Variants in SCLT1 observed in about 807,000 individuals in gnomAD.
SCLT1 encodes sodium channel-associated protein 1.
SCLT1 carries 78 observed loss-of-function variants against 112.8 expected under a neutral mutation model. The observed-to-expected ratio is 0.69, with a 90% CI of 0.58 to 0.83. The LOEUF is 0.83. Among genes scored for constraint, SCLT1 ranks in the 40% least tolerant of loss-of-function variants. The pLI is 0.00. For missense variants in SCLT1, 747 were observed against 770.4 expected (o/e 0.97, Z 0.36); for synonymous variants, 257 against 254.7 (o/e 1.01, Z -0.09).
chr4:129,030,576 A>T (rs1746618075), intron 5 of SCLT1, among the ~76,000 whole-genome samples: 1 of 152,142 alleles, frequency 6.6e-6, no homozygotes, highest in African/African-American at 2.4e-5. Flanking sequence ...TCAACTAATA[A>T]AGAAGAAAAG....
chr4:128,923,114 G>A (rs1029952081), intron 18 of SCLT1, among the ~76,000 whole-genome samples: 5 of 152,092 alleles, frequency 3.3e-5, no homozygotes, highest in Admixed American at 6.5e-5. Flanking sequence ...GGTGAGCTCT[G>A]ACAAAAGCAT....
At chr4:128,935,405 A>G (rs528279782) in intron 18 of SCLT1, among the ~76,000 whole-genome samples, 4 of 152,182 alleles carry the variant, frequency 2.6e-5, no homozygotes, top group African/African-American at 9.6e-5. Context: ...CAACCAATGA[A>G]TAACAGATTT....
chr4:129,056,734 G>A (rs1047090520), intron 2 of SCLT1, among the ~76,000 whole-genome samples: 2 of 152,104 alleles, frequency 1.3e-5, no homozygotes, highest in African/African-American at 4.8e-5. Context: ...GAGTGTTTTG[G>A]TGGAGGTTTT....
At chr4:129,006,881 A>T (rs753776590) in intron 5 of SCLT1, among the ~76,000 whole-genome samples, 2 of 152,186 alleles carry the variant, frequency 1.3e-5, no homozygotes, top group East Asian at 1.9e-4. Flanking sequence ...TTTCTAATAC[A>T]TACTCTTAAG....
chr4:128,922,057 A>G (rs1735927835), intron 18 of SCLT1, among the ~76,000 whole-genome samples: 1 of 152,226 alleles, frequency 6.6e-6, no homozygotes, highest in African/African-American at 2.4e-5. Context: ...GCCCAACATC[A>G]CTGATCATTA....
chr4:128,920,546 C>T (rs578154149), intron 18 of SCLT1, among the ~76,000 whole-genome samples: 1 of 152,320 alleles, frequency 6.6e-6, no homozygotes, highest in South Asian at 2.1e-4. Context: ...CCTGCCTCGG[C>T]CTCCTAAAGT....
At chr4:129,009,043 T>G (rs182686287) in intron 5 of SCLT1, among the ~76,000 whole-genome samples, 1 of 152,362 alleles carries the variant, frequency 6.6e-6, no homozygotes, top group African/African-American at 2.4e-5. Flanking sequence ...ATGTACCATA[T>G]TTTCTTTATC....
intron 5 of SCLT1, among the ~76,000 whole-genome samples, chr4:129,027,481 T>C (rs1430911351): frequency 6.6e-6 from 1 of 152,194 alleles, no homozygotes; most frequent in East Asian, 1.9e-4. Context: ...CAACAACGCT[T>C]CATGCCAAAA....
At chr4:128,941,116 A>AG in intron 17 of SCLT1, among the ~76,000 whole-genome samples, 1 of 152,096 alleles carries the variant, frequency 6.6e-6, no homozygotes, top group Non-Finnish European at 1.5e-5. Flanking sequence ...AGCATGGGAA[A>AG]ACCTGCCCCC....
chr4:128,942,086 C>T (rs908669181), intron 17 of SCLT1, among the ~76,000 whole-genome samples: 2 of 152,054 alleles, frequency 1.3e-5, no homozygotes, highest in Non-Finnish European at 2.9e-5. Context: ...GGGTCCTCTC[C>T]TTGTTCTTCA....
chr4:128,946,245 C>T (rs1738152906), intron 15 of SCLT1, 93 bp from the exon 16 acceptor site: 1 of 748,324 alleles, frequency 1.3e-6, no homozygotes, highest in Non-Finnish European at 2.1e-6. Flanking sequence ...AAATAAAAAG[C>T]CATGATTATG....
chr4:128,934,328 A>G (rs981110917), intron 18 of SCLT1, among the ~76,000 whole-genome samples: 1 of 151,846 alleles, frequency 6.6e-6, no homozygotes, highest in Non-Finnish European at 1.5e-5. Flanking sequence ...ACTCTTAGAT[A>G]ATAAGTAGAA....
Position 129,047,976 on chromosome 4 carries a change from C to A in SCLT1, c.103-3925G>T, listed in dbSNP as rs188346068. On this transcript the variant is annotated intron_variant, in intron 2 of 20. Transcript: ENST00000281142. ...GATTGTTTCCTGAACAATACAGAAG[C>A]TTTTAAGATTGATATAATCCCATTT... Among the ~76,000 whole-genome samples, 762 of 152,180 alleles carry A rather than the reference C, an allele frequency of 5.0e-3. 6 individuals carry two copies. The highest frequency in any genetic ancestry group is 0.017 in the African/African-American group (716 of 41,528).
chr4:129,022,578 T>C (rs889450422), intron 5 of SCLT1, among the ~76,000 whole-genome samples: 9 of 151,962 alleles, frequency 5.9e-5, no homozygotes, highest in Admixed American at 6.6e-5. Context: ...AAATAAAATC[T>C]GAAGGAAAGA....
intron 17 of SCLT1, among the ~76,000 whole-genome samples, chr4:128,942,613 T>C (rs1351800457): frequency 6.6e-6 from 1 of 152,130 alleles, no homozygotes; most frequent in Non-Finnish European, 1.5e-5. Flanking sequence ...AGCCTACTGC[T>C]TTAACATCCT....
chr4:128,987,203 C>T (rs945545893), intron 9 of SCLT1, among the ~76,000 whole-genome samples: 3 of 152,118 alleles, frequency 2.0e-5, no homozygotes, highest in African/African-American at 4.8e-5. Context: ...CTTTTGGATT[C>T]GTGGAAAGCC....
intron 11 of SCLT1, among the ~76,000 whole-genome samples, chr4:128,960,516 C>T (rs957768777): frequency 3.3e-5 from 5 of 152,154 alleles, no homozygotes; most frequent in African/African-American, 1.2e-4. Context: ...AAAGTTTAGG[C>T]ATATTTTCCT....
intron 13 of SCLT1, 116 bp downstream of exon 13, chr4:128,956,910 A>G: frequency 1.8e-6 from 1 of 563,832 alleles, no homozygotes; most frequent in Non-Finnish European, 3.1e-6. Context: ...TTTCATATGG[A>G]GTCTTTATAA....
At chr4:128,991,592 A>G (rs1742575895) in intron 9 of SCLT1, among the ~76,000 whole-genome samples, 1 of 151,894 alleles carries the variant, frequency 6.6e-6, no homozygotes, top group African/African-American at 2.4e-5. Context: ...ATTAATAACC[A>G]GAATTGGAAT....
Sources: allele counts gnomAD v4.1 joint callset (sites outside exome capture counted in the v4.1 genomes callset), GRCh38; gene constraint gnomAD v4.1.1; transcripts MANE v1.5; gene names NCBI Gene and HGNC (gene_info 2026-07-23, HGNC 2026-07-21).